Variants in AHNAK observed in about 807,000 individuals in gnomAD.
AHNAK encodes the protein neuroblast differentiation-associated protein AHNAK.
Under a neutral mutation model 37.8 loss-of-function variants are expected in AHNAK, and 23 were observed. The ratio of observed to expected loss-of-function variants is 0.61; its 90% CI spans 0.44 to 0.86. The LOEUF (loss-of-function observed/expected upper bound fraction) is 0.86. Among genes scored for constraint, AHNAK ranks in the 40% least tolerant of loss-of-function variants. The probability of loss-of-function intolerance (pLI) is 0.00; values close to 1 mark genes in which losing one functional copy is unlikely to be tolerated. For synonymous variants in AHNAK, 2,481 were observed against 2,636.3 expected, an observed-to-expected ratio of 0.94 and a Z score of 1.80; for missense variants, 7,411 against 7,319.4, an observed-to-expected ratio of 1.01 and a Z score of -0.46.
intron 3 of AHNAK, 80 bp downstream of exon 3, chr11:62,535,865 C>T (rs1940928287): frequency 2.6e-6 from 4 of 1,525,782 alleles, no homozygotes; most frequent in East Asian, 4.7e-5. Flanking sequence ...CCCACTTCTG[C>T]CTGCTCCCTG....
At chr11:62,438,138 T>C (rs1474693494) in intron 5 of AHNAK, among the ~76,000 whole-genome samples, 2 of 151,938 alleles carry the variant, frequency 1.3e-5, no homozygotes, top group Admixed American at 1.3e-4. Flanking sequence ...GCCATCTGGG[T>C]ATCCTCTTTT....
In AHNAK at chr11:62,527,472, A is replaced by T; in HGVS notation, c.6945T>A (p.Pro2315=). The part of the protein sequence containing the change: ...MHFKTPKISM[P]DVDFNLKGPK... The stretch of plus-strand genomic sequence containing the variant: ...GTCCCTTTAAATTGAAATCAACATC[A>T]GGCATGGAGATCTTGGGGGTCTTGA... Residue 2315 remains proline, a synonymous_variant, in exon 5 of 5, where the codon CCT becomes CCA. Coordinates refer to ENST00000378024, the MANE Select transcript of AHNAK (RefSeq NM_001620.3). 6.2e-7 allele frequency: 1 copy of T among 1,614,114 alleles called. No individual in the cohort carries two copies. Among genetic ancestry groups the T allele is most frequent in the Non-Finnish European group, 8.5e-7 (1 of 1,180,012 alleles).
rs551199203 is a variant in AHNAK, at chr11:62,508,219, C to T, written c.343-16388G>A. On this transcript the variant is annotated intron_variant, in intron 4 of 5. Transcript: ENST00000257247. ...TAAAATTCCCCCAGAAAAGAAATTC[C>T]CAGCTTCTTCAGGGAAACGGCAGTG... is the stretch of plus-strand genomic sequence containing the variant. 2.6e-5 allele frequency among the ~76,000 whole-genome samples: 4 copies of T among 152,250 alleles called. No homozygotes were observed. In the South Asian group the frequency reaches 8.3e-4, roughly 32 times the overall value.
Position 62,519,540 on chromosome 11 carries a change from G to C in AHNAK, c.14877C>G (p.Asp4959Glu). 6.2e-7 allele frequency: 1 copy of C among 1,612,492 alleles called. No homozygotes were observed. The highest frequency in any genetic ancestry group is 8.5e-7 in the Non-Finnish European group (1 of 1,179,270). ...GCCCTTCGATGTTAATATCTGGGCT[G>C]TCCATGTGTACATCTAAGCTTGGAG... ...VEAPSLDVHM[D>E]SPDINIEGPD... Residue 4959 changes from aspartate to glutamate, a missense_variant, in exon 5 of 5, where the codon GAC becomes GAG. Transcript: ENST00000378024.
At chr11:62,497,330 G>A (rs1448021487) in intron 4 of AHNAK, among the ~76,000 whole-genome samples, 1 of 152,146 alleles carries the variant, frequency 6.6e-6, no homozygotes, top group Admixed American at 6.5e-5. Context: ...AGAAGGGCAG[G>A]CTATGGCACC....
At position 62,474,990 on chromosome 11, in the gene AHNAK, G is replaced by A. The variant is rs114216657; in HGVS notation, c.442+16742C>T. ...GACAGTGACAGAGGCGAGGTGCAGA[G>A]GGTCATCAGGGCACTTAAAAGGGGA... On this transcript the variant is annotated intron_variant, in intron 5 of 5. Coordinates refer to the AHNAK transcript ENST00000257247. 5.0e-3 allele frequency among the ~76,000 whole-genome samples: 759 copies of A among 152,262 alleles called. 6 individuals are homozygous for A. Among genetic ancestry groups the A allele is most frequent in the African/African-American group, 0.017 (720 of 41,562 alleles).
At chr11:62,505,230 C>T (rs1262797479) in intron 4 of AHNAK, among the ~76,000 whole-genome samples, 1 of 152,138 alleles carries the variant, frequency 6.6e-6, no homozygotes, top group Non-Finnish European at 1.5e-5. Flanking sequence ...GTCTTTGCTC[C>T]CCTCTGTGTC....
At chr11:62,436,426 T>C (rs1348412961) in intron 5 of AHNAK, among the ~76,000 whole-genome samples, 2 of 152,110 alleles carry the variant, frequency 1.3e-5, no homozygotes, top group Non-Finnish European at 2.9e-5. Context: ...ACTCCCACAC[T>C]TACCAGCTGT....
At chr11:62,454,109 A>AG (rs1445488039) in intron 5 of AHNAK, among the ~76,000 whole-genome samples, 9 of 149,292 alleles carry the variant, frequency 6.0e-5, no homozygotes, top group Middle Eastern at 3.6e-3. Context: ...TCTGTCTCAA[A>AG]AAAAAAAAAA....
At chr11:62,441,719 T>G (rs1221000150) in intron 5 of AHNAK, among the ~76,000 whole-genome samples, 1 of 151,456 alleles carries the variant, frequency 6.6e-6, no homozygotes, top group Non-Finnish European at 1.5e-5. Flanking sequence ...CCAGGCTGGT[T>G]TCAAATTCCC....
chr11:62,451,216 A>C (rs903910132), intron 5 of AHNAK, among the ~76,000 whole-genome samples: 1 of 151,010 alleles, frequency 6.6e-6, no homozygotes, highest in African/African-American at 2.4e-5. Context: ...GTTTAAAGAA[A>C]ACCAACAACA....
rs758203955 is a variant in AHNAK, at chr11:62,522,101, G to A, written c.12316C>T (p.His4106Tyr). The change falls in exon 5 of 5, where the codon CAT (histidine) becomes TAT (tyrosine). Residue 4106 changes from histidine to tyrosine, a missense_variant. His to Tyr is a moderately conservative substitution (Grantham distance 83). Transcript: ENST00000378024. Reference sequence around the variant, plus strand: ...CCCTTCAGTTTCCCTTCTGGACCATGAATATCAATATCAGGAGTGTCAATG... The same window carrying A: ...CCCTTCAGTTTCCCTTCTGGACCATAAATATCAATATCAGGAGTGTCAATG... ...VDIDTPDIDI[H>Y]GPEGKLKGPK... The A allele has an allele frequency of 5.0e-6, 8 of 1,612,418 alleles. No homozygotes were observed. Among genetic ancestry groups the A allele is most frequent in the Non-Finnish European group, 6.8e-6 (8 of 1,179,674 alleles).
chr11:62,519,848 C>A lies in AHNAK; in HGVS notation c.14569G>T (p.Asp4857Tyr). The change falls in exon 5 of 5, where the codon GAT (aspartate) becomes TAT (tyrosine). Residue 4857 changes from aspartate (D) to tyrosine (Y), a missense_variant. Coordinates refer to ENST00000378024, the MANE Select transcript of AHNAK (RefSeq NM_001620.3). ...PKISIPDVDL[D>Y]LKGPKVKGDF... ...CCTTTTACTTTGGGTCCTTTCAAAT[C>A]CAGGTCAACATCAGGTATGGAGATC... 6.2e-7 allele frequency: 1 copy of A among 1,614,024 alleles called. No homozygotes were observed. Among genetic ancestry groups the A allele is most frequent in the South Asian group, 1.1e-5 (1 of 91,060 alleles).
chr11:62,436,833 G>T (rs2134770922), intron 5 of AHNAK, among the ~76,000 whole-genome samples: 1 of 152,122 alleles, frequency 6.6e-6, no homozygotes, highest in South Asian at 2.1e-4. Flanking sequence ...CAGCTACTCG[G>T]GAAACTGAGG....
rs770916692 is a variant in AHNAK, at chr11:62,517,240, C to T, written c.17177G>A (p.Gly5726Asp). 3.1e-6 allele frequency: 5 copies of T among 1,614,070 alleles called. No homozygotes were observed. The highest frequency in any genetic ancestry group is 3.4e-6 in the Non-Finnish European group (4 of 1,180,048). ...TGCTTCTGGTGAGCCAGTGACACCA[C>T]CTTTCCCTTTAGGTTTGGAAAAATT... is the stretch of plus-strand genomic sequence containing the variant. ...KFNFSKPKGK[G>D]GVTGSPEASI... The change falls in exon 5 of 5, where the codon GGT becomes GAT. Residue 5726 changes from glycine (G) to aspartate (D), a missense_variant. Gly to Asp is a moderately conservative substitution (Grantham distance 94). Coordinates refer to ENST00000378024, the MANE Select transcript of AHNAK (RefSeq NM_001620.3).
At position 62,533,806 on chromosome 11, in the gene AHNAK, G is replaced by A; in HGVS notation, c.611C>T (p.Thr204Ile). The change falls in exon 5 of 5, where the codon ACC becomes ATC. Residue 204 changes from threonine (T) to isoleucine (I), a missense_variant. Coordinates refer to ENST00000378024, the MANE Select transcript of AHNAK (RefSeq NM_001620.3). The part of the protein sequence containing the change: ...NVDVETQSGK[T>I]VIRLPSGSGA... ...CGAGCCCGAGGGCAGTCTGATCACGGTCTTCCCAGACTGGGTCTCCACATC... is the reference window on the plus strand; with the variant it reads ...CGAGCCCGAGGGCAGTCTGATCACGATCTTCCCAGACTGGGTCTCCACATC... 1 of 1,614,134 alleles carries A rather than the reference G, an allele frequency of 6.2e-7. No homozygotes were observed. Among genetic ancestry groups the A allele is most frequent in the Non-Finnish European group, 8.5e-7 (1 of 1,180,034 alleles).
downstream of AHNAK, among the ~76,000 whole-genome samples, chr11:62,513,564 G>A (rs962298984): frequency 5.3e-5 from 8 of 152,042 alleles, no homozygotes; most frequent in Admixed American, 2.0e-4. Context: ...AGACTTTAGG[G>A]GATAACTTGG....
intron 5 of AHNAK, among the ~76,000 whole-genome samples, chr11:62,486,333 C>T (rs181961765): frequency 1.3e-5 from 2 of 151,940 alleles, no homozygotes; most frequent in Admixed American, 6.6e-5. Context: ...AATTAGCAGG[C>T]GGGGTAGCAC....
chr11:62,523,404 G>C lies in AHNAK; in HGVS notation c.11013C>G (p.Ile3671Met). 6.2e-7 allele frequency: 1 copy of C among 1,613,072 alleles called. No individual in the cohort carries two copies. The highest frequency in any genetic ancestry group is 1.3e-5 in the African/African-American group (1 of 74,854). The change falls in exon 5 of 5, where the codon ATC (isoleucine) becomes ATG (methionine). Residue 3671 changes from isoleucine to methionine, a missense_variant. By Grantham distance (10) the Ile-to-Met change is conservative. Transcript: ENST00000378024. ...AGTTCAGGTCAAAGTCAGGCATGGA[G>C]ATCTTGGGGGCTTTGATGTTCATCT... is the stretch of plus-strand genomic sequence containing the variant. ...MPEMNIKAPK[I>M]SMPDFDLNLK...
Sources: gnomAD v4.1 joint callset for allele counts (sites outside exome capture counted in the v4.1 genomes callset) on GRCh38, gnomAD v4.1.1 for gene constraint, MANE v1.5 for transcripts, NCBI Gene and HGNC (gene_info 2026-07-23, HGNC 2026-07-21) for gene names.